The following HMCN1 variants were observed in gnomAD, a reference collection of about 807,000 sequenced individuals.
HMCN1 encodes the protein hemicentin-1.
HMCN1 carries 321 observed loss-of-function variants against 625.9 expected under a neutral mutation model. That is an observed-to-expected ratio of 0.51 (90% CI 0.47 to 0.56). The LOEUF (loss-of-function observed/expected upper bound fraction) is 0.56, where lower values mean the gene tolerates loss of function less well. HMCN1 is among the 20% of genes least tolerant of loss of function. The pLI is 0.00. For synonymous variants in HMCN1, 2,425 were observed against 2,417.6 expected (o/e 1.00, Z -0.09); for missense variants, 6,588 against 6,887.3 (o/e 0.96, Z 1.54).
At chr1:185,895,453 A>T (rs1665430525) in intron 4 of HMCN1, among the ~76,000 whole-genome samples, 1 of 152,228 alleles carries the variant, frequency 6.6e-6, no homozygotes, top group Admixed American at 6.5e-5. Flanking sequence ...TTACTGAATC[A>T]TAAAGCTGTA....
intron 30 of HMCN1, among the ~76,000 whole-genome samples, chr1:186,010,782 T>A (rs79809662): frequency 0.013 from 2,014 of 152,276 alleles, 56 homozygotes; most frequent in African/African-American, 0.045. Flanking sequence ...TAAAGGGCAA[T>A]ATAGTAAATA....
intron 23 of HMCN1, 59 bp from the exon 24 acceptor site, chr1:185,994,755 AG>A: frequency 6.5e-7 from 1 of 1,531,880 alleles, no homozygotes; most frequent in Non-Finnish European, 9.0e-7. Context: ...TCTCGTTTAA[AG>A]TGAGTAAAGA....
At chr1:185,997,549 C>T in intron 25 of HMCN1, 25 bp downstream of exon 25, 2 of 1,460,850 alleles carry the variant, frequency 1.4e-6, no homozygotes, top group Non-Finnish European at 1.9e-6. Context: ...AAGATATAGG[C>T]ATTGGCATAA....
intron 81 of HMCN1, among the ~76,000 whole-genome samples, 196 bp downstream of exon 81, chr1:186,123,416 G>A (rs1661493482): frequency 6.6e-6 from 1 of 152,132 alleles, no homozygotes; most frequent in Non-Finnish European, 1.5e-5. Flanking sequence ...GCACATAGGT[G>A]TGTGAGAGAG....
chr1:186,057,215 G>A lies in HMCN1; in HGVS notation c.7145-19G>A. The A allele has an allele frequency of 1.2e-6, 2 of 1,601,670 alleles. No individual in the cohort carries two copies. Among genetic ancestry groups the A allele is most frequent in the South Asian group, 2.2e-5 (2 of 90,820 alleles). On this transcript the variant is annotated intron_variant, in intron 45 of 106. Coordinates refer to ENST00000271588, the MANE Select transcript of HMCN1 (RefSeq NM_031935.3). ...CAACTAATATTTCCATTCCCTGTTT[G>A]TTTTATTTTGTCTTACAGCTCCTCC...
At chr1:186,174,701 C>G (rs545364506) in intron 103 of HMCN1, 59 bp downstream of exon 103, 1 of 1,556,154 alleles carries the variant, frequency 6.4e-7, no homozygotes, top group Non-Finnish European at 8.9e-7. Context: ...CTAGCCTTAC[C>G]AACTCGCTTA....
At chr1:185,954,435 G>T (rs2102540778) in intron 11 of HMCN1, among the ~76,000 whole-genome samples, 1 of 152,032 alleles carries the variant, frequency 6.6e-6, no homozygotes, top group Non-Finnish European at 1.5e-5. Context: ...ATTCCTTATT[G>T]CATAAACGTA....
chr1:185,919,374 C>T (rs995350996), intron 6 of HMCN1, among the ~76,000 whole-genome samples: 3 of 152,082 alleles, frequency 2.0e-5, no homozygotes, highest in South Asian at 2.1e-4. Context: ...GTTGATTATA[C>T]CTTTTTGTAC....
chr1:185,842,343 T>C (rs1661525476), intron 1 of HMCN1, among the ~76,000 whole-genome samples: 1 of 152,092 alleles, frequency 6.6e-6, no homozygotes, highest in Non-Finnish European at 1.5e-5. Flanking sequence ...ATATTCAGTC[T>C]ATTAAAAAAT....
intron 50 of HMCN1, 68 bp from the exon 51 acceptor site, chr1:186,069,595 T>G: frequency 1.1e-6 from 1 of 936,204 alleles, no homozygotes; most frequent in Non-Finnish European, 1.7e-6. Flanking sequence ...CGTAAACCCC[T>G]GATAGCCTGT....
chr1:185,994,427 G>A (rs1302409002), intron 23 of HMCN1, among the ~76,000 whole-genome samples: 1 of 152,028 alleles, frequency 6.6e-6, no homozygotes, highest in Non-Finnish European at 1.5e-5. Context: ...AATGCTTTTT[G>A]TCCCTTATAT....
intron 24 of HMCN1, among the ~76,000 whole-genome samples, chr1:185,995,598 C>T (rs765317698): frequency 5.3e-5 from 8 of 152,116 alleles, no homozygotes; most frequent in Non-Finnish European, 1.2e-4. Flanking sequence ...GTGACAAAGG[C>T]AAAACCCCTG....
intron 1 of HMCN1, among the ~76,000 whole-genome samples, chr1:185,792,482 TC>T (rs1422855206): frequency 1.3e-5 from 2 of 152,032 alleles, no homozygotes; most frequent in East Asian, 3.8e-4. Flanking sequence ...TTTAAATATC[TC>T]AGCTCCAAAA....
chr1:186,141,917 C>T (rs1033141761), intron 89 of HMCN1, among the ~76,000 whole-genome samples: 1 of 152,184 alleles, frequency 6.6e-6, no homozygotes, highest in African/African-American at 2.4e-5. Flanking sequence ...CCTGCCATAA[C>T]TAAAACTGCA....
At chr1:185,821,912 A>G (rs1660206440) in intron 1 of HMCN1, among the ~76,000 whole-genome samples, 1 of 151,912 alleles carries the variant, frequency 6.6e-6, no homozygotes, top group Admixed American at 6.6e-5. Flanking sequence ...AAGCTTTACA[A>G]CAATAGAAGA....
At chr1:185,748,287 G>A (rs1654563460) in intron 1 of HMCN1, among the ~76,000 whole-genome samples, 1 of 151,938 alleles carries the variant, frequency 6.6e-6, no homozygotes, top group Admixed American at 6.6e-5. Context: ...GCTCTTCTTA[G>A]GTGAACATGC....
At chr1:186,152,405 G>A (rs1650730917) in intron 95 of HMCN1, among the ~76,000 whole-genome samples, 1 of 152,170 alleles carries the variant, frequency 6.6e-6, no homozygotes, top group Non-Finnish European at 1.5e-5. Flanking sequence ...ACTTTTTGAA[G>A]CATCAGAAAG....
At chr1:186,110,974 A>ATTTTTTTTTTTTTTTTTTTTTTTTTT (rs778503338) in intron 71 of HMCN1, among the ~76,000 whole-genome samples, 3 of 59,952 alleles carry the variant, frequency 5.0e-5, no homozygotes, top group African/African-American at 3.1e-4. Context: ...ACCAGAGAAA[A>ATTTTTTTTTTTTTTTTTTTTTTTTTT]TTCTTTTTTT....
Position 185,751,768 on chromosome 1 carries a change from C to T in HMCN1, c.268+16721C>T, listed in dbSNP as rs563733303. Among the ~76,000 whole-genome samples, 9 of 152,172 alleles carry T rather than the reference C, an allele frequency of 5.9e-5. No individual in the cohort carries two copies. The East Asian group carries it at 1.5e-3, about 26-fold the overall frequency. ...AGTTCTGTCCAATCTACTCTTTAAG[C>T]CATCCATTACATTTTCAATTTCAAT... On this transcript the variant is annotated intron_variant, in intron 1 of 106. Transcript: ENST00000271588.
Sources: gnomAD v4.1 joint callset for allele counts (sites outside exome capture counted in the v4.1 genomes callset) on GRCh38, gnomAD v4.1.1 for gene constraint, MANE v1.5 for transcripts, NCBI Gene and HGNC (gene_info 2026-07-23, HGNC 2026-07-21) for gene names.